The following ABCA4 variants were observed in gnomAD, a reference collection of about 807,000 sequenced individuals.
The protein encoded by ABCA4 is ATP binding cassette subfamily A member 4, also known as retinal-specific phospholipid-transporting ATPase ABCA4.
In ABCA4, 196 loss-of-function variants were observed where a neutral mutation model predicts 263.7. That is an observed-to-expected ratio of 0.74 (90% CI 0.66 to 0.84). The LOEUF is 0.84. ABCA4 is among the 40% of genes least tolerant of loss of function. The pLI, the probability that ABCA4 is intolerant of heterozygous loss-of-function variation, is 0.00. For missense variants in ABCA4, 2,792 were observed against 2,855.1 expected, an observed-to-expected ratio of 0.98 and a Z score of 0.50; for synonymous variants, 1,133 against 1,094.2, an observed-to-expected ratio of 1.04 and a Z score of -0.70.
intron 13 of ABCA4, among the ~76,000 whole-genome samples, chr1:94,061,696 C>G (rs1168975775): frequency 6.6e-6 from 1 of 152,246 alleles, no homozygotes; most frequent in African/African-American, 2.4e-5. Flanking sequence ...CGTCCTGATC[C>G]TAAAGTGGAC....
chr1:94,109,752 T>C (rs3789432), intron 3 of ABCA4, among the ~76,000 whole-genome samples: 50,388 of 152,146 alleles, frequency 0.33, 9,312 homozygotes, highest in Admixed American at 0.43. Context: ...TTGCTGCCCT[T>C]GGCTCTGTGA....
At chr1:94,059,905 G>A (rs916795613) in intron 14 of ABCA4, among the ~76,000 whole-genome samples, 6 of 152,180 alleles carry the variant, frequency 3.9e-5, no homozygotes, top group Non-Finnish European at 7.3e-5. Flanking sequence ...TTGCAAGTTT[G>A]CAGAGGACAG....
At chr1:94,094,233 G>A (rs149892114) in intron 6 of ABCA4, among the ~76,000 whole-genome samples, 145 of 152,300 alleles carry the variant, frequency 9.5e-4, no homozygotes, top group Middle Eastern at 6.8e-3. Flanking sequence ...CAGGAGAGCA[G>A]CAACTGTGGC....
At chr1:94,025,609 G>C (rs1273905694) in intron 30 of ABCA4, 5 of 176,204 alleles carry the variant, frequency 2.8e-5, no homozygotes, top group Admixed American at 2.7e-4. Flanking sequence ...TCTCTCTCCT[G>C]GTGCAGCTTT....
At position 94,031,092 on chromosome 1, in the gene ABCA4, A is replaced by G; in HGVS notation, c.4157T>C (p.Leu1386Ser). ...GATAACAATAGAAAGCATCAGAGCC[A>G]AAAACACAAAGGTAGCCGGGAGCAC... ...QIVLPATFVFLALMLSIVIPP... is the reference protein window; with the variant it reads ...QIVLPATFVFSALMLSIVIPP... The change falls in exon 28 of 50, where the codon TTG (leucine) becomes TCG (serine). Residue 1386 changes from leucine (L) to serine (S), a missense_variant. Coordinates refer to ENST00000370225, the MANE Select transcript of ABCA4 (RefSeq NM_000350.3). The G allele has an allele frequency of 6.2e-7, 1 of 1,614,090 alleles. No individual in the cohort carries two copies. Among genetic ancestry groups the G allele is most frequent in the Non-Finnish European group, 8.5e-7 (1 of 1,179,956 alleles).
chr1:94,066,065 T>C (rs1358335984), intron 11 of ABCA4, among the ~76,000 whole-genome samples: 1 of 152,222 alleles, frequency 6.6e-6, no homozygotes, highest in African/African-American at 2.4e-5. Flanking sequence ...TAAATGTTTG[T>C]TTCTTCTGGA....
At chr1:94,105,759 C>A (rs926307594) in intron 4 of ABCA4, among the ~76,000 whole-genome samples, 2 of 151,962 alleles carry the variant, frequency 1.3e-5, no homozygotes, top group Admixed American at 6.5e-5. Flanking sequence ...GAAGGGGGCT[C>A]CATGCCTGGT....
intron 3 of ABCA4, 62 bp downstream of exon 3, chr1:94,111,376 A>G: frequency 6.3e-7 from 1 of 1,595,312 alleles, no homozygotes; most frequent in African/African-American, 1.3e-5. Context: ...GCACGTGTGC[A>G]TTTCAGCACG....
rs2101048569 is a variant in ABCA4, at chr1:94,041,311, G to C, written c.3420C>G (p.Cys1140Trp). The change falls in exon 23 of 50, where the codon TGC becomes TGG. Residue 1140 changes from cysteine (C) to tryptophan (W), a missense_variant. Coordinates refer to ENST00000370225, the MANE Select transcript of ABCA4 (RefSeq NM_000350.3). ...TCTTCAGGAAGAGTGGGGTGCCTGA[G>C]CAGTAGAGCCTTCCCTGGGCAATGA... is the stretch of plus-strand genomic sequence containing the variant. The part of the protein sequence containing the change: ...IAIIAQGRLY[C>W]SGTPLFLKNC... 6.2e-7 allele frequency: 1 copy of C among 1,614,138 alleles called. No individual in the cohort carries two copies. Among genetic ancestry groups the C allele is most frequent in the East Asian group, 2.2e-5 (1 of 44,864 alleles).
intron 30 of ABCA4, among the ~76,000 whole-genome samples, chr1:94,027,119 A>T (rs1170415849): frequency 6.6e-6 from 1 of 152,206 alleles, no homozygotes; most frequent in Non-Finnish European, 1.5e-5. Flanking sequence ...GCTCCTGTGC[A>T]TATGCGTGGC....
chr1:94,116,685 T>C (rs1274574050), intron 1 of ABCA4, among the ~76,000 whole-genome samples: 3 of 152,186 alleles, frequency 2.0e-5, no homozygotes, highest in African/African-American at 7.2e-5. Context: ...TCCAAAATCA[T>C]GCTCAGCTTC....
At chr1:94,113,404 G>A (rs1411784646) in intron 1 of ABCA4, among the ~76,000 whole-genome samples, 2 of 152,190 alleles carry the variant, frequency 1.3e-5, no homozygotes, top group Admixed American at 1.3e-4. Context: ...TTTGGGTTCA[G>A]TATGGCCCCA....
chr1:94,031,706 A>T, intron 27 of ABCA4, 72 bp downstream of exon 27: 1 of 1,588,114 alleles, frequency 6.3e-7, no homozygotes, highest in East Asian at 2.3e-5. Context: ...GCCTGAAGGA[A>T]CACTCAGGAG....
chr1:94,084,652 T>C (rs1661785666), intron 6 of ABCA4, among the ~76,000 whole-genome samples: 1 of 152,172 alleles, frequency 6.6e-6, no homozygotes. Flanking sequence ...GTATGGGAGT[T>C]ACAAAGCAGA....
At chr1:94,016,562 C>A (rs1452427234) in intron 36 of ABCA4, among the ~76,000 whole-genome samples, 1 of 151,946 alleles carries the variant, frequency 6.6e-6, no homozygotes, top group African/African-American at 2.4e-5. Context: ...GTGTATAGGT[C>A]CGGTAGATAA....
intron 19 of ABCA4, among the ~76,000 whole-genome samples, chr1:94,046,295 AAAAAAAAAATAC>A (rs1660672991): frequency 7.7e-6 from 1 of 129,450 alleles, no homozygotes; most frequent in South Asian, 2.4e-4. Flanking sequence ...AAAAAAAAAA[AAAAAAAAAATAC>A]AAAAATTAGC....
At chr1:94,050,669 T>C (rs1169258941) in intron 17 of ABCA4, among the ~76,000 whole-genome samples, 1 of 152,090 alleles carries the variant, frequency 6.6e-6, no homozygotes, top group Non-Finnish European at 1.5e-5. Context: ...GATAATTTTA[T>C]TATAGTAAAA....
rs1263748203 is a variant in ABCA4, at chr1:94,053,454, C to A, written c.2587+1657G>T. Among the ~76,000 whole-genome samples, 4 of 152,172 alleles carry A rather than the reference C, an allele frequency of 2.6e-5. No individual in the cohort carries two copies. In the East Asian group the frequency reaches 7.7e-4, roughly 29 times the overall value. On this transcript the variant is annotated intron_variant, in intron 16 of 49. Coordinates refer to ENST00000370225, the MANE Select transcript of ABCA4 (RefSeq NM_000350.3). ...AGAAGTGCTGTCAAGAAAAAAGATA[C>A]CAGAGTGCTAACCCCAGGTACCTCA...
chr1:94,064,007 C>T (rs950258625), intron 11 of ABCA4, among the ~76,000 whole-genome samples: 1 of 151,926 alleles, frequency 6.6e-6, no homozygotes, highest in Admixed American at 6.5e-5. Context: ...TGATGGTTGT[C>T]CTCCTGTATA....
Sources: gnomAD v4.1 joint callset for allele counts (sites outside exome capture counted in the v4.1 genomes callset) on GRCh38, gnomAD v4.1.1 for gene constraint, MANE v1.5 for transcripts, NCBI Gene and HGNC (gene_info 2026-07-23, HGNC 2026-07-21) for gene names.